The following ARHGAP23 variants were observed in gnomAD, a reference collection of about 807,000 sequenced individuals.
The protein encoded by ARHGAP23 is rho GTPase-activating protein 23.
Under a neutral mutation model 136.3 loss-of-function variants are expected in ARHGAP23, and 34 were observed. The ratio of observed to expected loss-of-function variants is 0.25; its 90% CI spans 0.19 to 0.33. The LOEUF (loss-of-function observed/expected upper bound fraction) is 0.33. Among genes scored for constraint, ARHGAP23 ranks in the 10% least tolerant of loss-of-function variants. The pLI is 1.00. For synonymous variants in ARHGAP23, 832 were observed against 920.5 expected (o/e 0.90, Z 1.74); for missense variants, 1,808 against 2,139.0 (o/e 0.85, Z 3.05).
At chr17:38,429,667 A>G (rs1264932971) in intron 1 of ARHGAP23, among the ~76,000 whole-genome samples, 2 of 152,116 alleles carry the variant, frequency 1.3e-5, no homozygotes, top group Non-Finnish European at 2.9e-5. Context: ...CCCTTCAGCC[A>G]AAGTGTGTTT....
At chr17:38,424,664 G>T (rs1008472197), upstream of ARHGAP23, among the ~76,000 whole-genome samples, 1 of 152,134 alleles carries the variant, frequency 6.6e-6, no homozygotes, top group Non-Finnish European at 1.5e-5. Context: ...ATGGACCCAC[G>T]GTTTAAGCAG....
intron 1 of ARHGAP23, among the ~76,000 whole-genome samples, chr17:38,437,310 C>T (rs753725111): frequency 2.6e-5 from 4 of 151,352 alleles, no homozygotes; most frequent in Non-Finnish European, 5.9e-5. Context: ...TTTTTTGTAG[C>T]GATGGGGGTC....
chr17:38,468,368 C>A (rs566555244), intron 7 of ARHGAP23, among the ~76,000 whole-genome samples: 85 of 151,932 alleles, frequency 5.6e-4, no homozygotes, highest in Non-Finnish European at 1.1e-3. Flanking sequence ...TGGTGCCTCA[C>A]CCCCGTGTTG....
chr17:38,468,234 G>T (rs2039659222), intron 7 of ARHGAP23, among the ~76,000 whole-genome samples: 1 of 152,234 alleles, frequency 6.6e-6, no homozygotes, highest in African/African-American at 2.4e-5. Context: ...AGTCACTGGG[G>T]TTGGCTTTTG....
At chr17:38,471,361 C>G (rs2039753044) in intron 10 of ARHGAP23, among the ~76,000 whole-genome samples, 2 of 152,192 alleles carry the variant, frequency 1.3e-5, no homozygotes, top group Non-Finnish European at 2.9e-5. Context: ...TGGCACCTAG[C>G]TTATTTCTTA....
intron 20 of ARHGAP23, among the ~76,000 whole-genome samples, chr17:38,492,211 C>A (rs1464667233): frequency 5.9e-5 from 9 of 152,206 alleles, no homozygotes; most frequent in African/African-American, 2.2e-4. Flanking sequence ...CCTTGGTTTT[C>A]GAGAGCCCAA....
At position 38,510,160 on chromosome 17, in the gene ARHGAP23, G is replaced by A. The variant is rs2040722948; in HGVS notation, c.3664G>A (p.Ala1222Thr). The change falls in exon 24 of 24, where the codon GCC becomes ACC. Residue 1222 changes from alanine (A) to threonine (T), a missense_variant. Transcript: ENST00000622683. This position sits in a 1 kb window ranked among gnomAD's most constrained non-coding sequence, Gnocchi z 4.6. ...GCAGGGGCCGCTGCCTGGCGCCGTC[G>A]CCCCCGAGGCCCCCGGACGCCTCAG... ...RPQGPLPGAV[A>T]PEAPGRLSPP... is the part of the protein sequence containing the mutation. The A allele has an allele frequency of 7.8e-6, 10 of 1,284,738 alleles. No individual in the cohort carries two copies. The highest frequency in any genetic ancestry group is 9.8e-6 in the Non-Finnish European group (10 of 1,024,470). 79.6% of individuals were successfully genotyped at this position (1,284,738 alleles called of 1,614,324 possible). A position where few individuals can be genotyped will look rare whatever the true frequency, so the allele number is the denominator to read the frequency against.
At chr17:38,502,083 A>C (rs1377981758) in intron 23 of ARHGAP23, among the ~76,000 whole-genome samples, 1 of 152,188 alleles carries the variant, frequency 6.6e-6, no homozygotes, top group Non-Finnish European at 1.5e-5. Context: ...CTGAGGTCGG[A>C]TCTTGAGATC....
chr17:38,482,569 G>T lies in ARHGAP23; in HGVS notation c.2798G>T (p.Arg933Leu), dbSNP rs890636840. Residue 933 changes from arginine (R) to leucine (L), a missense_variant, in exon 16 of 24, where the codon CGA (arginine) becomes CTA (leucine). Around this residue, in one of 7 missense-constraint regions of ARHGAP23, gnomAD observed 105 missense variants for 200.6 expected, o/e 0.52. Transcript: ENST00000622683. ...GCATGCTGTCGCATTGTGGAGGCACGAGGGCTGGAGTCCACAGGCATTTAC... is the reference window on the plus strand; with the variant it reads ...GCATGCTGTCGCATTGTGGAGGCACTAGGGCTGGAGTCCACAGGCATTTAC... ...VAACCRIVEA[R>L]GLESTGIYRV... 6.5e-7 allele frequency: 1 copy of T among 1,549,820 alleles called. No individual in the cohort carries two copies. Among genetic ancestry groups the T allele is most frequent in the East Asian group, 2.4e-5 (1 of 40,898 alleles).
In ARHGAP23 at chr17:38,510,533, C is replaced by A; in HGVS notation, c.4037C>A (p.Ser1346Ter). The A allele has an allele frequency of 8.6e-7, 1 of 1,166,232 alleles. No homozygotes were observed. The highest frequency in any genetic ancestry group is 1.1e-6 in the Non-Finnish European group (1 of 948,750). 72.2% of individuals were successfully genotyped at this position (1,166,232 alleles called of 1,614,324 possible). A position where few individuals can be genotyped will look rare whatever the true frequency, so the allele number is the denominator to read the frequency against. Reference protein sequence around the residue: ...GGPRAPEPPGSASSSSQESLR... With the variant: ...GGPRAPEPPG ...CCCCGCGCCCCGGAGCCGCCCGGCTCGGCGTCGTCCAGCAGCCAGGAGTCG... is the reference window on the plus strand; with the variant it reads ...CCCCGCGCCCCGGAGCCGCCCGGCTAGGCGTCGTCCAGCAGCCAGGAGTCG... The change falls in exon 24 of 24, where the codon TCG (serine) becomes TAG (stop). Residue 1346 changes from serine (S) to a stop codon, truncating the protein, a stop_gained. Coordinates refer to ENST00000622683, the MANE Select transcript of ARHGAP23 (RefSeq NM_001199417.2). LOFTEE classifies it high-confidence loss of function. This position sits in a 1 kb window ranked among gnomAD's most constrained non-coding sequence, Gnocchi z 4.6.
chr17:38,510,377 G>A lies in ARHGAP23; in HGVS notation c.3881G>A (p.Gly1294Asp). 8.0e-7 allele frequency: 1 copy of A among 1,245,340 alleles called. No homozygotes were observed. The highest frequency in any genetic ancestry group is 1.0e-6 in the Non-Finnish European group (1 of 995,838). 77.1% of individuals were successfully genotyped at this position (1,245,340 alleles called of 1,614,324 possible). A position where few individuals can be genotyped will look rare whatever the true frequency, so the allele number is the denominator to read the frequency against. Reference protein sequence around the residue: ...HVETDTEGAAGAGPGGRLTRR... With the variant: ...HVETDTEGAADAGPGGRLTRR... ...GAGACGGACACTGAGGGCGCGGCGGGCGCGGGGCCTGGGGGGCGCCTGACA... is the reference window on the plus strand; with the variant it reads ...GAGACGGACACTGAGGGCGCGGCGGACGCGGGGCCTGGGGGGCGCCTGACA... The change falls in exon 24 of 24, where the codon GGC (glycine) becomes GAC (aspartate). Residue 1294 changes from glycine (G) to aspartate (D), a missense_variant. Gly to Asp is a moderately conservative substitution (Grantham distance 94). Coordinates refer to ENST00000622683, the MANE Select transcript of ARHGAP23 (RefSeq NM_001199417.2). The surrounding 1 kb of genome is among the most constrained non-coding windows in gnomAD (Gnocchi z 4.6).
intron 1 of ARHGAP23, among the ~76,000 whole-genome samples, chr17:38,431,126 A>G (rs1470590468): frequency 6.6e-6 from 1 of 152,174 alleles, no homozygotes; most frequent in Non-Finnish European, 1.5e-5. Context: ...CTGGCTTCTC[A>G]GGACCTGCTA....
intron 6 of ARHGAP23, among the ~76,000 whole-genome samples, chr17:38,464,725 G>T (rs1395209569): frequency 1.3e-5 from 2 of 152,212 alleles, no homozygotes; most frequent in Non-Finnish European, 2.9e-5. Context: ...TCTCCAGTTG[G>T]CAGGGGCAAG....
intron 7 of ARHGAP23, among the ~76,000 whole-genome samples, chr17:38,467,690 TCATCCATCTATC>T (rs764520098): frequency 6.6e-6 from 1 of 152,044 alleles, no homozygotes; most frequent in Non-Finnish European, 1.5e-5. Context: ...TTCCATCCAT[TCATCCATCTATC>T]CATCCATCTA....
At chr17:38,473,234 G>T (rs930695491) in intron 11 of ARHGAP23, among the ~76,000 whole-genome samples, 5 of 151,718 alleles carry the variant, frequency 3.3e-5, no homozygotes, top group African/African-American at 9.7e-5. Context: ...GATTACAGGC[G>T]TGAGCCACCG....
At chr17:38,440,406 CTT>C (rs1337462010) in intron 1 of ARHGAP23, among the ~76,000 whole-genome samples, 2 of 152,186 alleles carry the variant, frequency 1.3e-5, no homozygotes, top group Non-Finnish European at 2.9e-5. Flanking sequence ...CCAGGGACTG[CTT>C]TTGTTAGTTT....
intron 20 of ARHGAP23, among the ~76,000 whole-genome samples, chr17:38,495,231 T>G (rs1314474181): frequency 6.0e-3 from 10 of 1,676 alleles, no homozygotes; most frequent in Non-Finnish European, 0.018. Context: ...TCTTTTTCTT[T>G]TTTTTTTTTT....
intron 11 of ARHGAP23, among the ~76,000 whole-genome samples, chr17:38,475,789 A>G (rs2039879409): frequency 6.6e-6 from 1 of 152,200 alleles, no homozygotes; most frequent in African/African-American, 2.4e-5. Context: ...TGTCCCCAGG[A>G]CAGCCTGAGG....
At chr17:38,481,161 T>C (rs1250105080) in intron 14 of ARHGAP23, among the ~76,000 whole-genome samples, 3 of 149,704 alleles carry the variant, frequency 2.0e-5, no homozygotes, top group Non-Finnish European at 4.4e-5. Flanking sequence ...TTTTATTTTT[T>C]TTTGAGACGG....
Sources: gnomAD v4.1 joint callset for allele counts (sites outside exome capture counted in the v4.1 genomes callset) on GRCh38, gnomAD v4.1.1 for gene constraint, gnomAD v4.1.1 regional missense constraint, Gnocchi (gnomAD v3.1) non-coding constraint, MANE v1.5 for transcripts, NCBI Gene and HGNC (gene_info 2026-07-23, HGNC 2026-07-21) for gene names.